Variants in PIK3R4 observed in about 807,000 individuals in gnomAD.
PIK3R4 encodes phosphoinositide 3-kinase regulatory subunit 4.
Under a neutral mutation model 136.5 loss-of-function variants are expected in PIK3R4, and 46 were observed. The observed-to-expected ratio is 0.34, with a 90% CI of 0.27 to 0.43. The LOEUF is 0.43. Ranked by LOEUF, PIK3R4 falls within the 20% of genes least tolerant of loss-of-function variation. The pLI, the probability that PIK3R4 is intolerant of heterozygous loss-of-function variation, is 1.00. For synonymous variants in PIK3R4, 557 were observed against 566.7 expected, an observed-to-expected ratio of 0.98 and a Z score of 0.24; for missense variants, 1,331 against 1,649.5, an observed-to-expected ratio of 0.81 and a Z score of 3.35.
chr3:130,718,655 C>T (rs1007728271), intron 7 of PIK3R4, 121 bp from the exon 8 acceptor site: 1 of 777,864 alleles, frequency 1.3e-6, no homozygotes, highest in African/African-American at 1.7e-5. Context: ...TATCAGGAGC[C>T]TTCACATACT....
intron 13 of PIK3R4, 66 bp from the exon 14 acceptor site, chr3:130,690,720 G>A (rs1206828988): frequency 1.0e-6 from 1 of 972,194 alleles, no homozygotes; most frequent in African/African-American, 1.6e-5. Context: ...ATATCCACAT[G>A]GCCATTAGCA....
At chr3:130,726,204 C>T (rs2066730750) in intron 6 of PIK3R4, among the ~76,000 whole-genome samples, 1 of 151,268 alleles carries the variant, frequency 6.6e-6, no homozygotes, top group Non-Finnish European at 1.5e-5. Context: ...TAAATTTTTG[C>T]AAAACTATAT....
At chr3:130,719,164 T>C (rs2066684356) in intron 7 of PIK3R4, among the ~76,000 whole-genome samples, 1 of 152,146 alleles carries the variant, frequency 6.6e-6, no homozygotes, top group Non-Finnish European at 1.5e-5. Context: ...AAATATAACA[T>C]TAAACCAGAA....
chr3:130,679,271 GTATTA>G lies in PIK3R4; in HGVS notation c.*39_*43del, dbSNP rs769161437. On this transcript the variant is annotated 3_prime_UTR_variant, in exon 20 of 20. Coordinates refer to ENST00000356763, the MANE Select transcript of PIK3R4 (RefSeq NM_014602.3). ...TAGAAATGCCTTTTCTCGAGTTATA[GTATTA>G]TATTTATAACTATTAAAATTTATAC... is the stretch of plus-strand genomic sequence containing the variant. 19 of 1,218,196 alleles carry G rather than the reference GTATTA, an allele frequency of 1.6e-5. No homozygotes were observed. The East Asian group carries it at 4.0e-4, about 26-fold the overall frequency. The allele number at this position is 1,218,196 out of a possible 1,614,324, so 75.5% of individuals were successfully genotyped here.
chr3:130,727,337 C>T (rs1389582278), intron 6 of PIK3R4, among the ~76,000 whole-genome samples: 1 of 143,530 alleles, frequency 7.0e-6, no homozygotes, highest in Non-Finnish European at 1.5e-5. Context: ...TCTCCTGCCT[C>T]AGCCCCCCTC....
At chr3:130,703,024 T>A (rs2066583421) in intron 13 of PIK3R4, among the ~76,000 whole-genome samples, 1 of 152,202 alleles carries the variant, frequency 6.6e-6, no homozygotes, top group South Asian at 2.1e-4. Flanking sequence ...CTTGCCTGAT[T>A]ATTTAATAGT....
In PIK3R4 at chr3:130,684,400, A is replaced by G. The variant is rs2066477029; in HGVS notation, c.3476-19T>C. ...CTTGTACCTTAAAGAAAAAAGGAAA[A>G]AAAGATTACCATCTAATGATCAAAG... On this transcript the variant is annotated intron_variant, in intron 15 of 19. Transcript: ENST00000356763. 1 of 1,609,152 alleles carries G rather than the reference A, an allele frequency of 6.2e-7. No individual in the cohort carries two copies. The highest frequency in any genetic ancestry group is 8.5e-7 in the Non-Finnish European group (1 of 1,176,060).
chr3:130,702,479 T>A (rs2066580700), intron 13 of PIK3R4, among the ~76,000 whole-genome samples: 1 of 152,210 alleles, frequency 6.6e-6, no homozygotes, highest in African/African-American at 2.4e-5. Context: ...AGTAAATTTT[T>A]AAATTATTTT....
intron 12 of PIK3R4, 64 bp from the exon 13 acceptor site, chr3:130,703,952 CCT>C (rs1553728047): frequency 1.7e-5 from 18 of 1,060,178 alleles, no homozygotes; most frequent in South Asian, 3.0e-5. Context: ...CCCATCATCC[CCT>C]GTTATAATAA....
chr3:130,735,731 A>G (rs1352653329), intron 3 of PIK3R4, 138 bp downstream of exon 3: 2 of 640,764 alleles, frequency 3.1e-6, no homozygotes, highest in Non-Finnish European at 5.0e-6. Context: ...CAAAGTAATA[A>G]CAAAAGGCTG....
At chr3:130,691,785 T>C (rs2066520253) in intron 13 of PIK3R4, among the ~76,000 whole-genome samples, 1 of 152,076 alleles carries the variant, frequency 6.6e-6, no homozygotes, top group Non-Finnish European at 1.5e-5. Flanking sequence ...AAAGGTTTTC[T>C]ATACATATTA....
At chr3:130,740,532 G>GT (rs1405051249) in intron 2 of PIK3R4, among the ~76,000 whole-genome samples, 11 of 152,042 alleles carry the variant, frequency 7.2e-5, no homozygotes. Context: ...GAGGCCAGAA[G>GT]TTTAAGACCA....
At chr3:130,691,867 GTTTT>G (rs757678674) in intron 13 of PIK3R4, among the ~76,000 whole-genome samples, 2 of 100,818 alleles carry the variant, frequency 2.0e-5, no homozygotes, top group Non-Finnish European at 4.0e-5. Flanking sequence ...TCTCTCTCTA[GTTTT>G]TTTTTTTTTT....
At chr3:130,719,242 A>G (rs1474464096) in intron 7 of PIK3R4, among the ~76,000 whole-genome samples, 1 of 152,246 alleles carries the variant, frequency 6.6e-6, no homozygotes, top group African/African-American at 2.4e-5. Context: ...AATGATTTCA[A>G]CTAATCGACA....
intron 2 of PIK3R4, among the ~76,000 whole-genome samples, chr3:130,741,116 A>G (rs1298186716): frequency 6.6e-6 from 1 of 152,196 alleles, no homozygotes; most frequent in Non-Finnish European, 1.5e-5. Context: ...GCAAGTTCAT[A>G]TGTTTAATCT....
intron 11 of PIK3R4, 72 bp from the exon 12 acceptor site, chr3:130,705,843 G>T: frequency 1.3e-6 from 1 of 786,608 alleles, no homozygotes; most frequent in Admixed American, 2.6e-5. Context: ...GTGTATGCAT[G>T]TTTTTATCTA....
chr3:130,701,580 C>T (rs1008798234), intron 13 of PIK3R4, among the ~76,000 whole-genome samples: 17 of 150,786 alleles, frequency 1.1e-4, no homozygotes, highest in Non-Finnish European at 5.9e-5. Flanking sequence ...AAGGAAAGAG[C>T]AGGGATTTAA....
At position 130,733,631 on chromosome 3, in the gene PIK3R4, A is replaced by C. The variant is rs758679173; in HGVS notation, c.1367T>G (p.Ile456Ser). Residue 456 changes from isoleucine to serine, a missense_variant, in exon 4 of 20, where the codon ATC (isoleucine) becomes AGC (serine). Ile to Ser is a moderately radical substitution (Grantham distance 142, BLOSUM62 -2). Transcript: ENST00000356763. Reference sequence around the variant, plus strand: ...CAGAATGTATTCCGGATAAATATTGATATCATTACGAGGAACCTCTTTGAC... The same window carrying C: ...CAGAATGTATTCCGGATAAATATTGCTATCATTACGAGGAACCTCTTTGAC... ...ALVKEVPRND[I>S]NIYPEYILPG... The C allele has an allele frequency of 1.9e-6, 3 of 1,613,992 alleles. No homozygotes were observed. The highest frequency in any genetic ancestry group is 2.2e-5 in the East Asian group (1 of 44,896).
chr3:130,730,528 T>A, intron 4 of PIK3R4, 86 bp from the exon 5 acceptor site: 1 of 910,262 alleles, frequency 1.1e-6, no homozygotes, highest in Non-Finnish European at 1.6e-6. Context: ...TCTTTATACA[T>A]AAATAATCAT....
Sources: allele counts gnomAD v4.1 joint callset (sites outside exome capture counted in the v4.1 genomes callset), GRCh38; gene constraint gnomAD v4.1.1; transcripts MANE v1.5; gene names NCBI Gene and HGNC (gene_info 2026-07-23, HGNC 2026-07-21).